Variants in ZNF274 observed in about 807,000 individuals in gnomAD.
ZNF274 encodes the protein neurotrophin receptor-interacting factor homolog.
In ZNF274, 23 loss-of-function variants were observed where a neutral mutation model predicts 42.5. The ratio of observed to expected loss-of-function variants is 0.54; its 90% confidence interval spans 0.39 to 0.77. The LOEUF is 0.77. Among genes scored for constraint, ZNF274 ranks in the 30% least tolerant of loss-of-function variants. The pLI is 0.00. For missense variants in ZNF274, 679 were observed against 806.5 expected (o/e 0.84, Z 1.91); for synonymous variants, 292 against 305.4 (o/e 0.96, Z 0.46).
rs1297229541 is a variant in ZNF274 at position 58,186,990 on chromosome 19, G to A, written c.204G>A (p.Glu68=). The change falls in exon 4 of 8, where the codon GAG becomes GAA. Residue 68 remains glutamate (E), a synonymous_variant. Transcript: ENST00000617501. The part of the protein sequence containing the change: ...SKPDVVSQLE[E]AEDFWPVERG... ...CAGATGTGGTATCTCAGTTAGAGGA[G>A]GCAGAAGATTTCTGGCCAGTGGAGA... 10 of 1,613,608 alleles carry A rather than the reference G, an allele frequency of 6.2e-6. No individual in the cohort carries two copies. The highest frequency in any genetic ancestry group is 8.5e-6 in the Non-Finnish European group (10 of 1,179,808).
Position 58,207,033 on chromosome 19 carries a change from A to C in ZNF274, c.570A>C (p.Leu190=). ...TCCGAGAGCTGTGTCACCAGTGGCT[A>C]CAGCCTAAGGCACGCTCCAAGGAGC... ...DQLRELCHQW[L]QPKARSKEQI... Residue 190 remains leucine (L), a synonymous_variant, in exon 5 of 8, where the codon CTA becomes CTC. Coordinates refer to ENST00000617501, the MANE Select transcript of ZNF274 (RefSeq NM_133502.3). This position sits in a 1 kb window ranked among gnomAD's most constrained non-coding sequence, Gnocchi z 5.6. 1 of 1,612,422 alleles carries C rather than the reference A, an allele frequency of 6.2e-7. No individual in the cohort carries two copies. Among genetic ancestry groups the C allele is most frequent in the Non-Finnish European group, 8.5e-7 (1 of 1,179,316 alleles).
At chr19:58,186,907 C>G (rs2075706592) in intron 3 of ZNF274, 40 bp from the exon 4 acceptor site, 9 of 1,565,282 alleles carry the variant, frequency 5.7e-6, no homozygotes, top group Non-Finnish European at 7.0e-6. Context: ...TTCTCCTGAA[C>G]ACAGACCCCC....
intron 4 of ZNF274, among the ~76,000 whole-genome samples, chr19:58,199,718 GAA>G (rs1362979242): frequency 2.0e-5 from 3 of 152,128 alleles, no homozygotes; most frequent in Non-Finnish European, 4.4e-5. Flanking sequence ...ATCTCAAAAA[GAA>G]AGAAAAAGCT....
At chr19:58,197,974 C>T (rs1383919558) in intron 4 of ZNF274, among the ~76,000 whole-genome samples, 2 of 152,162 alleles carry the variant, frequency 1.3e-5, no homozygotes, top group African/African-American at 2.4e-5. Flanking sequence ...AGGGCTTGTA[C>T]TCAGGGATAA....
Position 58,212,112 on chromosome 19 carries a change from C to A in ZNF274, c.980-49C>A. On this transcript the variant is annotated intron_variant, in intron 7 of 7. Transcript: ENST00000617501. The surrounding 1 kb of genome is among the most constrained non-coding windows in gnomAD (Gnocchi z 4.6). Reference sequence around the variant, plus strand: ...ATGCATTTCATGCTCTCAGACCCATCCCAGCACATCTCTCTATGGGATCCA... The same window carrying A: ...ATGCATTTCATGCTCTCAGACCCATACCAGCACATCTCTCTATGGGATCCA... 1 of 1,545,680 alleles carries A rather than the reference C, an allele frequency of 6.5e-7. No homozygotes were observed.
In ZNF274 at chr19:58,212,361, C is replaced by T. The variant is rs1344899372; in HGVS notation, c.1180C>T (p.Leu394Phe). The change falls in exon 8 of 8, where the codon CTT becomes TTT. Residue 394 changes from leucine (L) to phenylalanine (F), a missense_variant. Leu to Phe is a conservative substitution (Grantham distance 22). Transcript: ENST00000617501. This position sits in a 1 kb window ranked among gnomAD's most constrained non-coding sequence, Gnocchi z 4.6. ...GATGGAGTCTGCTCAGGAAAAAGAC[C>T]TTCCTCAGAAGAAGCACTTTGACAA... Reference protein sequence around the residue: ...KQMESAQEKDLPQKKHFDNRE... With the variant: ...KQMESAQEKDFPQKKHFDNRE... The T allele has an allele frequency of 1.1e-5, 17 of 1,613,822 alleles. No individual in the cohort carries two copies. Among genetic ancestry groups the T allele is most frequent in the Non-Finnish European group, 1.3e-5 (15 of 1,179,892 alleles).
In ZNF274 at chr19:58,212,835, C is replaced by G; in HGVS notation, c.1654C>G (p.Gln552Glu). The G allele has an allele frequency of 6.2e-7, 1 of 1,614,026 alleles. No homozygotes were observed. The highest frequency in any genetic ancestry group is 8.5e-7 in the Non-Finnish European group (1 of 1,179,902). Residue 552 changes from glutamine (Q) to glutamate (E), a missense_variant, in exon 8 of 8, where the codon CAG (glutamine) becomes GAG (glutamate). By Grantham distance (29) the Gln-to-Glu change is conservative. Coordinates refer to ENST00000617501, the MANE Select transcript of ZNF274 (RefSeq NM_133502.3). The surrounding 1 kb of genome is among the most constrained non-coding windows in gnomAD (Gnocchi z 4.6). ...KGFVQSSSLT[Q>E]HQRVHSGERP... is the part of the protein sequence containing the mutation. ...ATTTGTTCAGAGCTCTTCCCTCACA[C>G]AGCATCAGAGAGTTCATTCTGGAGA... is the stretch of plus-strand genomic sequence containing the variant.
chr19:58,211,402 T>C lies in ZNF274; in HGVS notation c.853-158T>C. On this transcript the variant is annotated intron_variant, in intron 6 of 7. Coordinates refer to ENST00000617501, the MANE Select transcript of ZNF274 (RefSeq NM_133502.3). This position sits in a 1 kb window ranked among gnomAD's most constrained non-coding sequence, Gnocchi z 4.8. The stretch of plus-strand genomic sequence containing the variant: ...CCCTGGTTTGGACCCAGTAGAACTC[T>C]TGTGGGCCCTGGGTTGGTGTCTCTG... 2 of 915,186 alleles carry C rather than the reference T, an allele frequency of 2.2e-6. No individual in the cohort carries two copies. The highest frequency in any genetic ancestry group is 3.1e-6 in the Non-Finnish European group (2 of 635,464). 56.7% of individuals were successfully genotyped at this position (915,186 alleles called of 1,614,324 possible). A position where few individuals can be genotyped will look rare whatever the true frequency, so the allele number is the denominator to read the frequency against.
chr19:58,184,272 T>C, intron 2 of ZNF274: 1 of 385,658 alleles, frequency 2.6e-6, no homozygotes, highest in Non-Finnish European at 4.7e-6. Context: ...GGAAGAGTAA[T>C]TGACAGGTCT....
chr19:58,210,132 C>T (rs1407726814), intron 6 of ZNF274, 59 bp downstream of exon 6: 1 of 1,375,762 alleles, frequency 7.3e-7, no homozygotes, highest in Non-Finnish European at 1.0e-6. Flanking sequence ...CAGGCCCACC[C>T]CTGAGGCATC....
At chr19:58,205,986 TA>T (rs1186403364) in intron 4 of ZNF274, among the ~76,000 whole-genome samples, 1 of 152,238 alleles carries the variant, frequency 6.6e-6, no homozygotes, top group Non-Finnish European at 1.5e-5. Flanking sequence ...TCAGTGTTTT[TA>T]AATATATTCA....
Position 58,210,002 on chromosome 19 carries a change from C to A in ZNF274, c.781C>A (p.Leu261Ile). 6.2e-7 allele frequency: 1 copy of A among 1,613,730 alleles called. No individual in the cohort carries two copies. The highest frequency in any genetic ancestry group is 8.5e-7 in the Non-Finnish European group (1 of 1,179,802). ...GQPAEGTTCCLEVTAQQEEKQ... is the reference protein window; with the variant it reads ...GQPAEGTTCCIEVTAQQEEKQ... ...ACCTGCCGAGGGCACCACCTGCTGC[C>A]TCGAGGTCACTGCCCAGCAGGAGGA... Residue 261 changes from leucine to isoleucine, a missense_variant, in exon 6 of 8, where the codon CTC (leucine) becomes ATC (isoleucine). This residue lies in a region of ZNF274 where 456 missense variants were observed against 590.1 expected (regional missense o/e 0.77). Transcript: ENST00000617501.
intron 4 of ZNF274, among the ~76,000 whole-genome samples, chr19:58,193,720 G>A (rs2075805716): frequency 6.6e-6 from 1 of 152,078 alleles, no homozygotes. Flanking sequence ...GAACTAAGGA[G>A]TTCAAGACCA....
In ZNF274 at chr19:58,209,984, G is replaced by A. The variant is rs929894746; in HGVS notation, c.763G>A (p.Glu255Lys). Residue 255 changes from glutamate to lysine, a missense_variant, in exon 6 of 8, where the codon GAG (glutamate) becomes AAG (lysine). Transcript: ENST00000617501. ...AGTACTTCCTGCAGGACAACCTGCC[G>A]AGGGCACCACCTGCTGCCTCGAGGT... is the stretch of plus-strand genomic sequence containing the variant. ...EEVLPAGQPA[E>K]GTTCCLEVTA... 7.4e-6 allele frequency: 12 copies of A among 1,613,258 alleles called. No individual in the cohort carries two copies. Among genetic ancestry groups the A allele is most frequent in the Middle Eastern group, 1.7e-4 (1 of 5,922 alleles).
intron 4 of ZNF274, among the ~76,000 whole-genome samples, chr19:58,187,784 G>C (rs926301848): frequency 6.6e-6 from 1 of 152,148 alleles, no homozygotes; most frequent in Non-Finnish European, 1.5e-5. Context: ...GGAGTGCAGT[G>C]GTGTGATCTC....
intron 4 of ZNF274, among the ~76,000 whole-genome samples, chr19:58,203,954 G>A (rs939561337): frequency 1.3e-5 from 2 of 152,244 alleles, no homozygotes; most frequent in African/African-American, 2.4e-5. Context: ...AGAAGGCAGC[G>A]CGGGCACTGG....
rs749662822 is a variant in ZNF274 at position 58,208,658 on chromosome 19, G to T, written c.740-1303G>T. 1 of 152,204 alleles carries T rather than the reference G, an allele frequency of 6.6e-6. No individual in the cohort carries two copies. The highest frequency in any genetic ancestry group is 2.4e-5 in the African/African-American group (1 of 41,444). The allele number at this position is 152,204 out of a possible 1,614,324, so 9.4% of individuals were successfully genotyped here. A position where few individuals can be genotyped will look rare whatever the true frequency, so the allele number is the denominator to read the frequency against. ...GGCAAGGAATGGATTCTCCCTTGGA[G>T]CCTCCAAAAGGAACATAGCCATGCT... On this transcript the variant is annotated intron_variant, in intron 5 of 7. Coordinates refer to ENST00000617501, the MANE Select transcript of ZNF274 (RefSeq NM_133502.3). This position sits in a 1 kb window ranked among gnomAD's most constrained non-coding sequence, Gnocchi z 4.5.
intron 4 of ZNF274, among the ~76,000 whole-genome samples, chr19:58,188,724 A>ATATATATATATAT (rs2075743381): frequency 7.8e-6 from 1 of 128,650 alleles, no homozygotes; most frequent in Non-Finnish European, 1.6e-5. Flanking sequence ...ATATATATAT[A>ATATATATATATAT]AATCTTTAAA....
intron 2 of ZNF274, chr19:58,184,867 C>G (rs546178803): frequency 6.6e-6 from 1 of 152,168 alleles, no homozygotes; most frequent in South Asian, 2.1e-4. Flanking sequence ...TCTGTAATCC[C>G]AGCACTTTGG....
Sources: gnomAD v4.1 joint callset for allele counts (sites outside exome capture counted in the v4.1 genomes callset) on GRCh38, gnomAD v4.1.1 for gene constraint, gnomAD v4.1.1 regional missense constraint, Gnocchi (gnomAD v3.1) non-coding constraint, MANE v1.5 for transcripts, NCBI Gene and HGNC (gene_info 2026-07-23, HGNC 2026-07-21) for gene names.